Variants in SLC41A2 observed in about 807,000 individuals in gnomAD.
SLC41A2 encodes solute carrier family 41 member 2.
A neutral mutation model predicts 58.3 loss-of-function variants in SLC41A2; 32 were observed. The observed-to-expected ratio is 0.55, with a 90% CI of 0.41 to 0.74. The LOEUF is 0.74. Ranked by LOEUF, SLC41A2 falls within the 30% of genes least tolerant of loss-of-function variation. The pLI is 0.00. For synonymous variants in SLC41A2, 190 were observed against 235.0 expected (o/e 0.81, Z 1.75); for missense variants, 514 against 680.6 (o/e 0.76, Z 2.72).
intron 2 of SLC41A2, among the ~76,000 whole-genome samples, chr12:104,911,205 T>G (rs2046070385): frequency 1.3e-5 from 2 of 152,190 alleles, no homozygotes; most frequent in Non-Finnish European, 2.9e-5. Flanking sequence ...TTACATGTAT[T>G]GATCGATGTC....
At chr12:104,899,479 A>T (rs1413102759) in intron 3 of SLC41A2, among the ~76,000 whole-genome samples, 1 of 152,152 alleles carries the variant, frequency 6.6e-6, no homozygotes, top group Non-Finnish European at 1.5e-5. Context: ...GACTAGACTC[A>T]AACTAGGCTT....
intron 1 of SLC41A2, among the ~76,000 whole-genome samples, chr12:104,931,306 T>C (rs2047045438): frequency 6.6e-6 from 1 of 152,230 alleles, no homozygotes; most frequent in Non-Finnish European, 1.5e-5. Context: ...TTACCTATGG[T>C]AAATCCATTT....
At chr12:104,836,233 T>G (rs2042202819) in intron 10 of SLC41A2, among the ~76,000 whole-genome samples, 1 of 152,212 alleles carries the variant, frequency 6.6e-6, no homozygotes, top group African/African-American at 2.4e-5. Context: ...ATCACTTAAC[T>G]TCTATGCCAA....
intron 10 of SLC41A2, among the ~76,000 whole-genome samples, chr12:104,836,571 T>G (rs1295002829): frequency 6.6e-6 from 1 of 152,086 alleles, no homozygotes; most frequent in Non-Finnish European, 1.5e-5. Context: ...CACTATAAAA[T>G]AATAAATCAA....
chr12:104,908,121 T>A (rs980209459), intron 3 of SLC41A2, among the ~76,000 whole-genome samples: 3 of 151,952 alleles, frequency 2.0e-5, no homozygotes, highest in African/African-American at 7.3e-5. Context: ...AAAAATTAAC[T>A]GGGCATGGTG....
At chr12:104,820,737 G>T (rs1460968825) in intron 10 of SLC41A2, among the ~76,000 whole-genome samples, 1 of 152,130 alleles carries the variant, frequency 6.6e-6, no homozygotes, top group Non-Finnish European at 1.5e-5. Context: ...CCCCTCCTGG[G>T]TTCAAGTGAT....
At chr12:104,932,689 T>C (rs932082226) in intron 1 of SLC41A2, among the ~76,000 whole-genome samples, 2 of 137,596 alleles carry the variant, frequency 1.5e-5, no homozygotes, top group African/African-American at 5.5e-5. Flanking sequence ...TAAAAGTAGA[T>C]ATATAGACCA....
At chr12:104,825,441 G>A (rs1475403473) in intron 10 of SLC41A2, among the ~76,000 whole-genome samples, 1 of 152,196 alleles carries the variant, frequency 6.6e-6, no homozygotes, top group East Asian at 1.9e-4. Flanking sequence ...TCTGAACCAG[G>A]AAAAAGATAT....
At chr12:104,806,261 G>A (rs549434737) in intron 10 of SLC41A2, among the ~76,000 whole-genome samples, 23 of 143,250 alleles carry the variant, frequency 1.6e-4, no homozygotes, top group East Asian at 8.4e-4. Context: ...TCCCCTTCCC[G>A]TGTCCATGTG....
rs2045285398 is a variant in SLC41A2 at position 104,896,467 on chromosome 12, GT to G, written c.664-1123del. 2.0e-5 allele frequency among the ~76,000 whole-genome samples: 3 copies of G among 152,294 alleles called. No homozygotes were observed. The East Asian group carries it at 5.8e-4, about 29-fold the overall frequency. ...TCTAACAACCTGGGGCTTTGCTCAA[GT>G]GAGTAATAAGGTACAAGCAATGTTT... On this transcript the variant is annotated intron_variant, in intron 3 of 10. Transcript: ENST00000258538.
intron 1 of SLC41A2, among the ~76,000 whole-genome samples, chr12:104,956,533 G>T (rs905789026): frequency 3.3e-5 from 5 of 152,112 alleles, no homozygotes; most frequent in African/African-American, 1.2e-4. Flanking sequence ...ACAAAAATTA[G>T]CCGGGCATAG....
chr12:104,831,512 C>T (rs577753473), intron 10 of SLC41A2, among the ~76,000 whole-genome samples: 4 of 152,144 alleles, frequency 2.6e-5, no homozygotes, highest in Non-Finnish European at 4.4e-5. Flanking sequence ...CATATTTTTA[C>T]TGCACTGTTT....
At chr12:104,890,820 G>A (rs1046837185) in intron 4 of SLC41A2, among the ~76,000 whole-genome samples, 2 of 152,178 alleles carry the variant, frequency 1.3e-5, no homozygotes, top group Non-Finnish European at 2.9e-5. Context: ...AGACCATTCT[G>A]TACAATCGTG....
Position 104,802,017 on chromosome 12 carries a change from T to C in SLC41A2, c.*3135A>G, listed in dbSNP as rs2040725133. Among the ~76,000 whole-genome samples, 1 of 152,190 alleles carries C rather than the reference T, an allele frequency of 6.6e-6. No homozygotes were observed. Among genetic ancestry groups the C allele is most frequent in the African/African-American group, 2.4e-5 (1 of 41,452 alleles). Reference sequence around the variant, plus strand: ...AACCCCGTTATAAATGGGTACACTATACCATAGATATAAGGCAAGGAATCC... The same window carrying C: ...AACCCCGTTATAAATGGGTACACTACACCATAGATATAAGGCAAGGAATCC... On this transcript the variant is annotated 3_prime_UTR_variant, in exon 11 of 11. Coordinates refer to ENST00000258538, the MANE Select transcript of SLC41A2 (RefSeq NM_001352171.3).
chr12:104,946,441 T>C (rs1468845011), intron 1 of SLC41A2, among the ~76,000 whole-genome samples: 1 of 151,294 alleles, frequency 6.6e-6, no homozygotes, highest in Non-Finnish European at 1.5e-5. Flanking sequence ...CCAAACTAAT[T>C]TTTAAAAATT....
chr12:104,927,530 G>A (rs1390709991), intron 2 of SLC41A2, among the ~76,000 whole-genome samples: 8 of 152,066 alleles, frequency 5.3e-5, no homozygotes, highest in East Asian at 3.8e-4. Context: ...TGTATACAAC[G>A]AACACTTCAC....
At chr12:104,826,768 C>G (rs2041860702) in intron 10 of SLC41A2, among the ~76,000 whole-genome samples, 2 of 152,162 alleles carry the variant, frequency 1.3e-5, no homozygotes, top group African/African-American at 4.8e-5. Context: ...TAGAGGCTTT[C>G]CAGAATTTCA....
chr12:104,861,279 T>C lies in SLC41A2; in HGVS notation c.1255+12A>G. On this transcript the variant is annotated intron_variant, in intron 8 of 10. Transcript: ENST00000258538. The stretch of plus-strand genomic sequence containing the variant: ...TTTGATATTATCATGAAACAGTATA[T>C]CTAATTCTTACCATTAATAACTGGC... 1 of 1,582,316 alleles carries C rather than the reference T, an allele frequency of 6.3e-7. No homozygotes were observed. Among genetic ancestry groups the C allele is most frequent in the Non-Finnish European group, 8.7e-7 (1 of 1,151,966 alleles).
intron 10 of SLC41A2, among the ~76,000 whole-genome samples, chr12:104,841,343 G>A (rs1315235514): frequency 6.7e-6 from 1 of 150,238 alleles, no homozygotes; most frequent in African/African-American, 2.4e-5. Context: ...TAGTTCTTCT[G>A]TGATTTCTTG....
Sources: gnomAD v4.1 joint callset for allele counts (sites outside exome capture counted in the v4.1 genomes callset) on GRCh38, gnomAD v4.1.1 for gene constraint, MANE v1.5 for transcripts, NCBI Gene and HGNC (gene_info 2026-07-23, HGNC 2026-07-21) for gene names.